Variants in LRRC53 observed in about 807,000 individuals in gnomAD.
LRRC53 encodes the protein leucine rich repeat containing 53, also known as leucine-rich repeat-containing protein 53.
Under a neutral mutation model 13.6 loss-of-function variants are expected in LRRC53, and 25 were observed. That is an observed-to-expected ratio of 1.83 (90% CI 1.34 to 2.56). The LOEUF (loss-of-function observed/expected upper bound fraction) is 2.56, where lower values mean the gene tolerates loss of function less well. LRRC53 is among the 30% of genes most tolerant of loss of function. LRRC53 has a pLI of 0.00. For synonymous variants in LRRC53, 204 were observed against 109.8 expected, an observed-to-expected ratio of 1.86 and a Z score of -5.37; for missense variants, 527 against 275.8, an observed-to-expected ratio of 1.91 and a Z score of -6.45.
intron 1 of LRRC53, among the ~76,000 whole-genome samples, chr1:74,484,052 C>T (rs1027981474): frequency 3.8e-4 from 57 of 151,612 alleles, no homozygotes; most frequent in African/African-American, 1.4e-3. Context: ...GTCTACAGTA[C>T]AGAGTATTAT....
At chr1:74,496,502 A>G (rs1669332760) in intron 1 of LRRC53, among the ~76,000 whole-genome samples, 2 of 152,192 alleles carry the variant, frequency 1.3e-5, no homozygotes, top group Non-Finnish European at 2.9e-5. Context: ...GTCTTGAGAA[A>G]TGATGCATTT....
At chr1:74,509,982 G>A (rs1416193187) in intron 1 of LRRC53, among the ~76,000 whole-genome samples, 3 of 151,912 alleles carry the variant, frequency 2.0e-5, no homozygotes, top group African/African-American at 7.3e-5. Flanking sequence ...TTGAATTCCT[G>A]AATTCAAGCG....
At chr1:74,509,560 T>C (rs1670072992) in intron 1 of LRRC53, among the ~76,000 whole-genome samples, 1 of 152,030 alleles carries the variant, frequency 6.6e-6, no homozygotes, top group Admixed American at 6.5e-5. Context: ...TCAATAATAT[T>C]TTATCAGATT....
intron 3 of LRRC53, among the ~76,000 whole-genome samples, chr1:74,479,167 C>A (rs1430790598): frequency 1.3e-5 from 2 of 152,138 alleles, no homozygotes; most frequent in South Asian, 4.1e-4. Context: ...TCTCTCCCCA[C>A]CCCCTCATCA....
intron 1 of LRRC53, chr1:74,491,968 G>A (rs1239015250): frequency 1.5e-6 from 2 of 1,324,782 alleles, no homozygotes; most frequent in Non-Finnish European, 9.9e-7. Flanking sequence ...GAAAAGCCAG[G>A]AGCAAGCTGA....
chr1:74,481,569 G>A (rs1025471540), intron 2 of LRRC53, among the ~76,000 whole-genome samples: 4 of 152,206 alleles, frequency 2.6e-5, no homozygotes, highest in African/African-American at 7.2e-5. Flanking sequence ...GTACCTGTCA[G>A]TGGGGTTCTC....
the LRRC53 span, among the ~76,000 whole-genome samples, chr1:74,533,739 A>T: frequency 2.6e-5 from 4 of 151,398 alleles, no homozygotes; most frequent in Non-Finnish European, 5.9e-5. Flanking sequence ...GCCATAAAAA[A>T]TGATGAGTTC....
chr1:74,524,983 C>T, the LRRC53 span, among the ~76,000 whole-genome samples: 3 of 152,082 alleles, frequency 2.0e-5, no homozygotes, highest in Non-Finnish European at 2.9e-5. Flanking sequence ...TACCTACTTT[C>T]TATGCATTCA....
intron 1 of LRRC53, among the ~76,000 whole-genome samples, chr1:74,498,637 A>AT (rs1669455873): frequency 6.6e-6 from 1 of 152,090 alleles, no homozygotes; most frequent in Non-Finnish European, 1.5e-5. Flanking sequence ...TGGCATTCAG[A>AT]TTTTTTTGAC....
chr1:74,492,191 A>T (rs1669114228), intron 1 of LRRC53: 2 of 1,613,068 alleles, frequency 1.2e-6, no homozygotes. Context: ...GGCCGGAGTC[A>T]TGTGGCAGCA....
intron 3 of LRRC53, among the ~76,000 whole-genome samples, chr1:74,479,489 C>A (rs892158764): frequency 2.0e-5 from 3 of 152,178 alleles, no homozygotes; most frequent in Admixed American, 6.5e-5. Context: ...AACCACCCAA[C>A]AGGAGGAAAA....
chr1:74,510,056 C>G (rs1366843283), intron 1 of LRRC53, among the ~76,000 whole-genome samples: 1 of 152,044 alleles, frequency 6.6e-6, no homozygotes, highest in African/African-American at 2.4e-5. Flanking sequence ...CACAGATTTT[C>G]TATTGCTTGT....
chr1:74,499,685 C>CAA (rs199921700), intron 1 of LRRC53, among the ~76,000 whole-genome samples: 3 of 151,768 alleles, frequency 2.0e-5, no homozygotes, highest in Non-Finnish European at 1.5e-5. Context: ...TATTTCCCAC[C>CAA]AAAAAAATGA....
intron 1 of LRRC53, among the ~76,000 whole-genome samples, chr1:74,508,739 GATAAC>G (rs1670033492): frequency 6.6e-6 from 1 of 152,206 alleles, no homozygotes; most frequent in Admixed American, 6.5e-5. Flanking sequence ...GTGCTTTGCT[GATAAC>G]ATAAGTGGGA....
chr1:74,473,738 C>T (rs991000376), intron 4 of LRRC53, among the ~76,000 whole-genome samples: 3 of 151,994 alleles, frequency 2.0e-5, no homozygotes, highest in Non-Finnish European at 2.9e-5. Flanking sequence ...GCTGCTTGTT[C>T]GCTGTGTATT....
intron 1 of LRRC53, among the ~76,000 whole-genome samples, chr1:74,491,022 TTGTTCTGAAATG>T (rs1669044319): frequency 6.6e-6 from 1 of 152,212 alleles, no homozygotes; most frequent in South Asian, 2.1e-4. Context: ...ATGATTAGTC[TTGTTCTGAAATG>T]GCAAAGTGGT....
chr1:74,470,715 T>G lies in LRRC53; in HGVS notation c.2907A>C (p.Lys969Asn), dbSNP rs1218427877. ...SSHAQLENKE[K>N]TLMTKPQISH... is the part of the protein sequence containing the mutation. The stretch of plus-strand genomic sequence containing the variant: ...ATATTTGGGGTTTTGTCATTAATGT[T>G]TTTTCTTTATTTTCAAGCTGTGCAT... The change falls in exon 5 of 5, where the codon AAA becomes AAC. Residue 969 changes from lysine to asparagine, a missense_variant. Transcript: ENST00000294635. The G allele has an allele frequency of 2.5e-6, 1 of 400,606 alleles. No homozygotes were observed. Among genetic ancestry groups the G allele is most frequent in the African/African-American group, 2.1e-5 (1 of 48,708 alleles). 24.8% of individuals were successfully genotyped at this position (400,606 alleles called of 1,614,324 possible).
In LRRC53 at chr1:74,470,240, C is replaced by T; in HGVS notation, c.3382G>A (p.Asp1128Asn). The change falls in exon 5 of 5, where the codon GAT becomes AAT. Residue 1128 changes from aspartate to asparagine, a missense_variant. Physicochemically the swap from Asp to Asn is conservative, Grantham distance 23 (BLOSUM62 1). Transcript: ENST00000294635. ...NGTSEKYILH[D>N]ASSAEETITA... is the part of the protein sequence containing the mutation. Reference sequence around the variant, plus strand: ...ATGGTCTCCTCGGCAGAGCTTGCATCATGTAATATATATTTTTCACTTGTT... The same window carrying T: ...ATGGTCTCCTCGGCAGAGCTTGCATTATGTAATATATATTTTTCACTTGTT... The T allele has an allele frequency of 2.5e-6, 1 of 400,646 alleles. No individual in the cohort carries two copies. The highest frequency in any genetic ancestry group is 3.6e-5 in the East Asian group (1 of 28,060). 24.8% of individuals were successfully genotyped at this position (400,646 alleles called of 1,614,324 possible).
chr1:74,484,131 A>AC lies in LRRC53; in HGVS notation c.-26-757dup, dbSNP rs1454060057. Among the ~76,000 whole-genome samples the AC allele has an allele frequency of 2.0e-5, 3 of 151,654 alleles. No individual in the cohort carries two copies. The South Asian group carries it at 6.3e-4, about 32-fold the overall frequency. The stretch of plus-strand genomic sequence containing the variant: ...TTACCTTTATTTTAAAGCTTTCTCA[A>AC]CCCCCCAGTGAAATATTTAACATCA... On this transcript the variant is annotated intron_variant, in intron 1 of 4. Transcript: ENST00000294635.
Sources: gnomAD v4.1 joint callset for allele counts (sites outside exome capture counted in the v4.1 genomes callset) on GRCh38, gnomAD v4.1.1 for gene constraint, MANE v1.5 for transcripts, NCBI Gene and HGNC (gene_info 2026-07-23, HGNC 2026-07-21) for gene names.